DNAH6: variants seen among roughly 807,000 people sequenced by gnomAD.
DNAH6 encodes the protein axonemal beta dynein heavy chain 6.
In DNAH6, 340 loss-of-function variants were observed where a neutral mutation model predicts 491.4. That is an observed-to-expected ratio of 0.69 (90% confidence interval 0.63 to 0.76). The LOEUF (loss-of-function observed/expected upper bound fraction) is 0.76. Ranked by LOEUF, DNAH6 falls within the 30% of genes least tolerant of loss-of-function variation. The pLI, the probability that DNAH6 is intolerant of heterozygous loss-of-function variation, is 0.00. For missense variants in DNAH6, 4,443 were observed against 4,972.2 expected (o/e 0.89, Z 3.20); for synonymous variants, 1,603 against 1,686.1 (o/e 0.95, Z 1.21).
chr2:84,762,263 G>A (rs1405620735), intron 63 of DNAH6, among the ~76,000 whole-genome samples: 2 of 152,198 alleles, frequency 1.3e-5, no homozygotes, highest in African/African-American at 4.8e-5. Flanking sequence ...TGGCTTGTGA[G>A]TGCTTACAAA....
chr2:84,602,482 C>CTTTTTTTTTTTTTTTT (rs3029846), intron 18 of DNAH6, among the ~76,000 whole-genome samples: 4 of 32,026 alleles, frequency 1.2e-4, no homozygotes, highest in African/African-American at 5.6e-4. Flanking sequence ...TGTTGTGTCC[C>CTTTTTTTTTTTTTTTT]TTTTTTTTTT....
At chr2:84,724,545 T>A (rs936815398) in intron 60 of DNAH6, among the ~76,000 whole-genome samples, 6 of 152,236 alleles carry the variant, frequency 3.9e-5, no homozygotes, top group Non-Finnish European at 8.8e-5. Flanking sequence ...TGACACTCCC[T>A]CTGTTTAAAA....
chr2:84,596,397 C>T (rs1439660700), intron 18 of DNAH6, among the ~76,000 whole-genome samples: 1 of 152,060 alleles, frequency 6.6e-6, no homozygotes, highest in Admixed American at 6.6e-5. Flanking sequence ...GATCTCGGCT[C>T]ACTGCAACCT....
At chr2:84,758,702 A>G (rs1674288312) in intron 63 of DNAH6, among the ~76,000 whole-genome samples, 2 of 152,226 alleles carry the variant, frequency 1.3e-5, no homozygotes, top group African/African-American at 4.8e-5. Flanking sequence ...TCATATGATC[A>G]TCTCAATAGA....
intron 62 of DNAH6, among the ~76,000 whole-genome samples, chr2:84,738,797 C>G (rs2105012678): frequency 6.6e-6 from 1 of 152,136 alleles, no homozygotes; most frequent in South Asian, 2.1e-4. Flanking sequence ...ATTTGATACT[C>G]TATGTATTTT....
intron 11 of DNAH6, among the ~76,000 whole-genome samples, chr2:84,562,326 C>T (rs532998937): frequency 6.6e-6 from 1 of 152,088 alleles, no homozygotes; most frequent in South Asian, 2.1e-4. Flanking sequence ...CCAAATATAT[C>T]AGTAATGTGA....
chr2:84,608,438 T>C (rs1442753430), intron 21 of DNAH6, among the ~76,000 whole-genome samples: 5 of 152,214 alleles, frequency 3.3e-5, no homozygotes, highest in African/African-American at 1.2e-4. Context: ...AAGTACTCCT[T>C]AATCCATGGG....
the DNAH6 span, among the ~76,000 whole-genome samples, chr2:84,504,232 A>G: frequency 3.9e-5 from 6 of 152,174 alleles, no homozygotes; most frequent in African/African-American, 1.4e-4. Context: ...ATTTTTCAGC[A>G]CCAGAATTTC....
At chr2:84,567,028 AT>A (rs1185404091) in intron 11 of DNAH6, among the ~76,000 whole-genome samples, 1 of 152,120 alleles carries the variant, frequency 6.6e-6, no homozygotes. Flanking sequence ...TGGACAAATT[AT>A]TTTATGATTT....
intron 70 of DNAH6, among the ~76,000 whole-genome samples, chr2:84,801,631 C>T (rs1678923625): frequency 6.6e-6 from 1 of 152,072 alleles, no homozygotes; most frequent in Non-Finnish European, 1.5e-5. Flanking sequence ...TGCCTGTAAT[C>T]CTAACACTTT....
At chr2:84,512,600 G>T (rs1675379555), upstream of DNAH6, among the ~76,000 whole-genome samples, 1 of 152,192 alleles carries the variant, frequency 6.6e-6, no homozygotes, top group African/African-American at 2.4e-5. Context: ...CTGAAAGCTA[G>T]AATCTTCAAC....
chr2:84,504,989 A>T, the DNAH6 span, among the ~76,000 whole-genome samples: 5 of 152,224 alleles, frequency 3.3e-5, no homozygotes, highest in Non-Finnish European at 5.9e-5. Context: ...CAGATTCATG[A>T]ACACATGATG....
At chr2:84,658,906 T>G (rs943620808) in intron 36 of DNAH6, 120 bp from the exon 37 acceptor site, 6 of 595,368 alleles carry the variant, frequency 1.0e-5, no homozygotes, top group Non-Finnish European at 1.7e-5. Context: ...AAATATACAC[T>G]GTGCCCATTT....
intron 63 of DNAH6, among the ~76,000 whole-genome samples, chr2:84,753,072 T>C (rs752790291): frequency 1.3e-5 from 2 of 152,206 alleles, no homozygotes; most frequent in Admixed American, 6.5e-5. Flanking sequence ...TTTGTTATTA[T>C]CTTTTTTATT....
At chr2:84,476,305 T>C in the DNAH6 span, among the ~76,000 whole-genome samples, 1 of 152,216 alleles carries the variant, frequency 6.6e-6, no homozygotes, top group Non-Finnish European at 1.5e-5. Flanking sequence ...AAGGTCTCCC[T>C]CGGCTCTAGC....
Position 84,731,918 on chromosome 2 carries a change from A to G in DNAH6, c.10207-1526A>G, listed in dbSNP as rs570270590. 5.3e-5 allele frequency among the ~76,000 whole-genome samples: 8 copies of G among 152,336 alleles called. 1 individual carries two copies. In the South Asian group the frequency reaches 1.7e-3, roughly 32 times the overall value. On this transcript the variant is annotated intron_variant, in intron 61 of 76. Transcript: ENST00000389394. ...ATTTATATCCCCAAGAGCATTGTTA[A>G]AAACATTAGAGCAATCAGCCCACAA...
chr2:84,763,411 C>T (rs1338226640), intron 64 of DNAH6, among the ~76,000 whole-genome samples: 1 of 151,666 alleles, frequency 6.6e-6, no homozygotes, highest in African/African-American at 2.4e-5. Flanking sequence ...TTAAATGTCT[C>T]CTTTACAGTA....
intron 39 of DNAH6, among the ~76,000 whole-genome samples, chr2:84,672,003 C>A (rs910151387): frequency 2.0e-5 from 3 of 152,222 alleles, no homozygotes; most frequent in Admixed American, 2.0e-4. Flanking sequence ...CATGCCTAAG[C>A]CACATGGTTG....
chr2:84,684,115 A>T (rs998656433), intron 42 of DNAH6, among the ~76,000 whole-genome samples: 3 of 152,234 alleles, frequency 2.0e-5, no homozygotes, highest in Non-Finnish European at 4.4e-5. Context: ...TCCTTGCCAC[A>T]GGATGACAAA....
Sources: gnomAD v4.1 joint callset for allele counts (sites outside exome capture counted in the v4.1 genomes callset) on GRCh38, gnomAD v4.1.1 for gene constraint, MANE v1.5 for transcripts, NCBI Gene and HGNC (gene_info 2026-07-23, HGNC 2026-07-21) for gene names.